PLD2: variants seen among roughly 807,000 people sequenced by gnomAD.
PLD2 encodes the protein phospholipase D2.
In PLD2, 101 loss-of-function variants were observed where a neutral mutation model predicts 119.8. That is an observed-to-expected ratio of 0.84 (90% CI 0.72 to 0.99). PLD2 has a LOEUF of 0.99. Among genes scored for constraint, PLD2 ranks in the 50% least tolerant of loss-of-function variants. PLD2 has a pLI of 0.00. For missense variants in PLD2, 1,164 were observed against 1,226.8 expected (o/e 0.95, Z 0.76); for synonymous variants, 494 against 482.8 (o/e 1.02, Z -0.30).
Position 4,814,438 on chromosome 17 carries a change from A to G in PLD2, c.1031A>G (p.Tyr344Cys), listed in dbSNP as rs1382778789. 1 of 1,612,066 alleles carries G rather than the reference A, an allele frequency of 6.2e-7. No homozygotes were observed. Among genetic ancestry groups the G allele is most frequent in the South Asian group, 1.1e-5 (1 of 90,672 alleles). The change falls in exon 11 of 25, where the codon TAC (tyrosine) becomes TGC (cysteine). Residue 344 changes from tyrosine to cysteine, a missense_variant. Coordinates refer to ENST00000263088, the MANE Select transcript of PLD2 (RefSeq NM_002663.5). ...CCCAGGTTTGTGAATGGGGCAGGTT[A>G]CTTTGCTGCTGTGGCAGATGCCATC... ...LARWFVNGAG[Y>C]FAAVADAILR...
At chr17:4,820,223 C>G (rs993820708) in intron 23 of PLD2, among the ~76,000 whole-genome samples, 2 of 151,054 alleles carry the variant, frequency 1.3e-5, no homozygotes, top group Non-Finnish European at 2.9e-5. Flanking sequence ...GGATTACAGG[C>G]GTGAGCCACT....
Position 4,815,670 on chromosome 17 carries a change from G to A in PLD2, c.1284+84G>A, listed in dbSNP as rs1364717749. On this transcript the variant is annotated intron_variant, in intron 13 of 24. Transcript: ENST00000263088. ...GCCCCCAGCGCTCCCGCTCCCTGAT[G>A]GTCTCATCTTTCCATCTTTCCTCTC... The A allele has an allele frequency of 5.0e-6, 8 of 1,591,616 alleles. No individual in the cohort carries two copies. In the Admixed American group the frequency reaches 6.7e-5, roughly 13 times the overall value.
At position 4,819,272 on chromosome 17, in the gene PLD2, A is replaced by G; in HGVS notation, c.2308+54A>G. The G allele has an allele frequency of 1.9e-6, 3 of 1,608,460 alleles. No homozygotes were observed. The highest frequency in any genetic ancestry group is 2.5e-6 in the Non-Finnish European group (3 of 1,177,034). On this transcript the variant is annotated intron_variant, in intron 22 of 24. Coordinates refer to ENST00000263088, the MANE Select transcript of PLD2 (RefSeq NM_002663.5). This position sits in a 1 kb window ranked among gnomAD's most constrained non-coding sequence, Gnocchi z 4.2. ...GGAGAGGGTGTGGGGACAGGCGAAGAGATGAGAGGCAGGATGACAGAGACT... is the reference window on the plus strand; with the variant it reads ...GGAGAGGGTGTGGGGACAGGCGAAGGGATGAGAGGCAGGATGACAGAGACT...
Position 4,819,144 on chromosome 17 carries a change from G to A in PLD2, c.2234G>A (p.Gly745Asp), listed in dbSNP as rs1907362550. The stretch of plus-strand genomic sequence containing the variant: ...GGGCTTCGTACACACGGAGAGCTGG[G>A]CGGGCACCCCGTCTCGGAGCTCATC... ...ICGLRTHGEL[G>D]GHPVSELIYI... The change falls in exon 22 of 25, where the codon GGC becomes GAC. Residue 745 changes from glycine (G) to aspartate (D), a missense_variant. By Grantham distance (94) the Gly-to-Asp change is moderately conservative (BLOSUM62 -1). Transcript: ENST00000263088. The surrounding 1 kb of genome is among the most constrained non-coding windows in gnomAD (Gnocchi z 4.2). The A allele has an allele frequency of 6.2e-7, 1 of 1,614,176 alleles. No individual in the cohort carries two copies. Among genetic ancestry groups the A allele is most frequent in the African/African-American group, 1.3e-5 (1 of 75,054 alleles).
chr17:4,819,715 A>G lies in PLD2; in HGVS notation c.2462+133A>G. On this transcript the variant is annotated intron_variant, in intron 23 of 24. Transcript: ENST00000263088. The surrounding 1 kb of genome is among the most constrained non-coding windows in gnomAD (Gnocchi z 4.2). ...GGCAGTACTAGATTCTCAATAGGCA[A>G]GGCTGGGCGCGGCAGCTCACGCCTC... The G allele has an allele frequency of 1.1e-6, 1 of 908,084 alleles. No homozygotes were observed. The highest frequency in any genetic ancestry group is 1.6e-6 in the Non-Finnish European group (1 of 618,822). The allele number at this position is 908,084 out of a possible 1,614,324, so 56.3% of individuals were successfully genotyped here. A position where few individuals can be genotyped will look rare whatever the true frequency, so the allele number is the denominator to read the frequency against.
rs1296099911 is a variant in PLD2 at position 4,807,551 on chromosome 17, C to CG, written c.-1-215dup. On this transcript the variant is annotated intron_variant, in intron 1 of 24. Transcript: ENST00000263088. The surrounding 1 kb of genome is among the most constrained non-coding windows in gnomAD (Gnocchi z 5.4). Reference sequence around the variant, plus strand: ...TCTGGTTACGGGACGGGGCGGGGGGCGGGGGGCGGGACTGGGATTGTGGAT... The same window carrying CG: ...TCTGGTTACGGGACGGGGCGGGGGGCGGGGGGGCGGGACTGGGATTGTGGAT... 4.9e-6 allele frequency: 2 copies of CG among 408,476 alleles called. No individual in the cohort carries two copies. The highest frequency in any genetic ancestry group is 9.0e-6 in the Non-Finnish European group (2 of 223,372). The allele number at this position is 408,476 out of a possible 1,614,324, so 25.3% of individuals were successfully genotyped here. A position where few individuals can be genotyped will look rare whatever the true frequency, so the allele number is the denominator to read the frequency against.
At position 4,808,147 on chromosome 17, in the gene PLD2, G is replaced by C. The variant is rs1298917280; in HGVS notation, c.240+33G>C. ...GACTGGCCCCAGGGAGGGGGAAAGG[G>C]AGGGCGGCCCGGAATGGATCCAAGG... On this transcript the variant is annotated intron_variant, in intron 3 of 24. Transcript: ENST00000263088. This position sits in a 1 kb window ranked among gnomAD's most constrained non-coding sequence, Gnocchi z 4.1. 1 of 1,597,902 alleles carries C rather than the reference G, an allele frequency of 6.3e-7. No homozygotes were observed. Among genetic ancestry groups the C allele is most frequent in the Admixed American group, 1.7e-5 (1 of 59,462 alleles).
In PLD2 at chr17:4,822,727, C is replaced by G. The variant is rs200384556; in HGVS notation, c.2665C>G (p.Pro889Ala). 5.6e-6 allele frequency: 9 copies of G among 1,613,644 alleles called. No individual in the cohort carries two copies. In the Admixed American group the frequency reaches 1.0e-4, roughly 18 times the overall value. The change falls in exon 25 of 25, where the codon CCC becomes GCC. Residue 889 changes from proline to alanine, a missense_variant. Pro to Ala is a conservative substitution (Grantham distance 27). Transcript: ENST00000263088. ...CGTGGAGCCCTTGGCCACGGTCAGT[C>G]CCCCCTTGGCTCGGTCTGAGCTCAC... is the stretch of plus-strand genomic sequence containing the variant. Reference protein sequence around the residue: ...VAVEPLATVSPPLARSELTQV... With the variant: ...VAVEPLATVSAPLARSELTQV...
chr17:4,818,048 C>A lies in PLD2; in HGVS notation c.1862C>A (p.Ser621Tyr), dbSNP rs1907211244. The A allele has an allele frequency of 6.2e-7, 1 of 1,614,112 alleles. No homozygotes were observed. The highest frequency in any genetic ancestry group is 8.5e-7 in the Non-Finnish European group (1 of 1,179,952). ...DRWSAGTLEN[S>Y]ILNAYLHTIR... is the part of the protein sequence containing the mutation. ...TGGTCAGCAGGGACTCTGGAGAACTCCATCCTCAATGCCTACCTGCACACC... is the reference window on the plus strand; with the variant it reads ...TGGTCAGCAGGGACTCTGGAGAACTACATCCTCAATGCCTACCTGCACACC... Residue 621 changes from serine to tyrosine, a missense_variant, in exon 18 of 25, where the codon TCC becomes TAC. Coordinates refer to ENST00000263088, the MANE Select transcript of PLD2 (RefSeq NM_002663.5).
In PLD2 at chr17:4,815,474, A is replaced by T. The variant is rs1486726754; in HGVS notation, c.1174-2A>T. The T allele has an allele frequency of 4.4e-6, 7 of 1,584,432 alleles. No homozygotes were observed. The highest frequency in any genetic ancestry group is 6.1e-6 in the Non-Finnish European group (7 of 1,152,848). On this transcript the variant is annotated splice_acceptor_variant, in intron 12 of 24. Coordinates refer to ENST00000263088, the MANE Select transcript of PLD2 (RefSeq NM_002663.5). LOFTEE classifies it high-confidence loss of function. ...GGATCTGATTCCCCAACTCACCACC[A>T]GGAGGAGGGTGTCCGTGTGTCTATT...
At chr17:4,817,461 G>A (rs1331807329) in intron 17 of PLD2, 1 of 573,046 alleles carries the variant, frequency 1.7e-6, no homozygotes, top group East Asian at 2.9e-5. Context: ...CGGAGATCGA[G>A]ACCATCCTGG....
At position 4,808,141 on chromosome 17, in the gene PLD2, GA is replaced by G. The variant is rs1486445758; in HGVS notation, c.240+30del. On this transcript the variant is annotated intron_variant, in intron 3 of 24. Transcript: ENST00000263088. This position sits in a 1 kb window ranked among gnomAD's most constrained non-coding sequence, Gnocchi z 4.1. The stretch of plus-strand genomic sequence containing the variant: ...TGGCCAGACTGGCCCCAGGGAGGGG[GA>G]AAGGGAGGGCGGCCCGGAATGGATC... The G allele has an allele frequency of 4.4e-6, 7 of 1,599,098 alleles. No homozygotes were observed. In the African/African-American group the frequency reaches 8.0e-5, roughly 18 times the overall value.
In PLD2 at chr17:4,819,675, G is replaced by A. The variant is rs531684206; in HGVS notation, c.2462+93G>A. The A allele has an allele frequency of 1.7e-4, 212 of 1,221,074 alleles. 3 individuals are homozygous for A. The highest frequency in any genetic ancestry group is 1.4e-3 in the South Asian group (93 of 68,350). 75.6% of individuals were successfully genotyped at this position (1,221,074 alleles called of 1,614,324 possible). ...GAGGTAGCACCGCATAGGTACTCCC[G>A]GAGCCAGAGGTAGAGGCAGTACTAG... is the stretch of plus-strand genomic sequence containing the variant. On this transcript the variant is annotated intron_variant, in intron 23 of 24. Coordinates refer to ENST00000263088, the MANE Select transcript of PLD2 (RefSeq NM_002663.5). The surrounding 1 kb of genome is among the most constrained non-coding windows in gnomAD (Gnocchi z 4.2).
chr17:4,807,550 G>A lies in PLD2; in HGVS notation c.-1-222G>A, dbSNP rs1905980759. Reference sequence around the variant, plus strand: ...CTCTGGTTACGGGACGGGGCGGGGGGCGGGGGGCGGGACTGGGATTGTGGA... The same window carrying A: ...CTCTGGTTACGGGACGGGGCGGGGGACGGGGGGCGGGACTGGGATTGTGGA... On this transcript the variant is annotated intron_variant, in intron 1 of 24. Transcript: ENST00000263088. The surrounding 1 kb of genome is among the most constrained non-coding windows in gnomAD (Gnocchi z 5.4). 1 of 425,382 alleles carries A rather than the reference G, an allele frequency of 2.4e-6. No individual in the cohort carries two copies. Among genetic ancestry groups the A allele is most frequent in the South Asian group, 3.6e-5 (1 of 27,670 alleles). 26.4% of individuals were successfully genotyped at this position (425,382 alleles called of 1,614,324 possible).
chr17:4,820,223 C>T (rs993820708), intron 23 of PLD2, among the ~76,000 whole-genome samples: 22 of 151,172 alleles, frequency 1.5e-4, no homozygotes, highest in Admixed American at 1.3e-3. Flanking sequence ...GGATTACAGG[C>T]GTGAGCCACT....
chr17:4,818,755 C>T lies in PLD2; in HGVS notation c.2124-19C>T. 1 of 1,614,072 alleles carries T rather than the reference C, an allele frequency of 6.2e-7. No homozygotes were observed. On this transcript the variant is annotated intron_variant, in intron 20 of 24. Transcript: ENST00000263088. The stretch of plus-strand genomic sequence containing the variant: ...CCCTCTGCCAGCCTCCACTTCTCTC[C>T]CTCTTTCTTTTCTCTCAGGACCCTG...
At chr17:4,809,245 G>T in intron 5 of PLD2, 40 bp downstream of exon 5, 1 of 1,611,638 alleles carries the variant, frequency 6.2e-7, no homozygotes, top group African/African-American at 1.3e-5. Context: ...GGCATTGGAG[G>T]TGCAAATGGC....
intron 10 of PLD2, among the ~76,000 whole-genome samples, 172 bp downstream of exon 10, chr17:4,811,123 C>A (rs1906420095): frequency 1.2e-5 from 1 of 85,804 alleles, no homozygotes; most frequent in Non-Finnish European, 2.5e-5. Flanking sequence ...ATTGATCTCT[C>A]TGATTTCGCG....
In PLD2 at chr17:4,819,512, C is replaced by A; in HGVS notation, c.2392C>A (p.Pro798Thr). 1 of 1,614,048 alleles carries A rather than the reference C, an allele frequency of 6.2e-7. No homozygotes were observed. The highest frequency in any genetic ancestry group is 8.5e-7 in the Non-Finnish European group (1 of 1,180,000). ...GCTGATCGAGGACACAGAGACGGAA[C>A]CATCCCTCATGAATGGGGCAGAGTA... is the stretch of plus-strand genomic sequence containing the variant. Reference protein sequence around the residue: ...AVLIEDTETEPSLMNGAEYQA... With the variant: ...AVLIEDTETETSLMNGAEYQA... The change falls in exon 23 of 25, where the codon CCA becomes ACA. Residue 798 changes from proline (P) to threonine (T), a missense_variant. Pro to Thr is a conservative substitution (Grantham distance 38). Coordinates refer to ENST00000263088, the MANE Select transcript of PLD2 (RefSeq NM_002663.5). This position sits in a 1 kb window ranked among gnomAD's most constrained non-coding sequence, Gnocchi z 4.2.
Sources: allele counts gnomAD v4.1 joint callset (sites outside exome capture counted in the v4.1 genomes callset), GRCh38; gene constraint gnomAD v4.1.1; non-coding constraint Gnocchi (gnomAD v3.1); transcripts MANE v1.5; gene names NCBI Gene and HGNC (gene_info 2026-07-23, HGNC 2026-07-21).